CCDC57: variants seen among roughly 807,000 people sequenced by gnomAD.
CCDC57 encodes the protein coiled-coil domain containing 57, also known as coiled-coil domain-containing protein 57.
Under a neutral mutation model 118.9 loss-of-function variants are expected in CCDC57, and 118 were observed. That is an observed-to-expected ratio of 0.99 (90% CI 0.86 to 1.16). CCDC57 has a LOEUF of 1.16. Among genes scored for constraint, CCDC57 ranks in the 50% most tolerant of loss-of-function variants. CCDC57 has a pLI of 0.00. For synonymous variants in CCDC57, 527 were observed against 532.9 expected (o/e 0.99, Z 0.15); for missense variants, 1,300 against 1,320.7 (o/e 0.98, Z 0.24).
intron 16 of CCDC57, among the ~76,000 whole-genome samples, chr17:82,150,960 C>T (rs1169295453): frequency 1.1e-5 from 1 of 87,716 alleles, no homozygotes; most frequent in Non-Finnish European, 2.3e-5. Context: ...CACCCAGAAC[C>T]TGACCTGCAC....
chr17:82,140,629 G>GT (rs1291071469), intron 16 of CCDC57, among the ~76,000 whole-genome samples: 1 of 152,188 alleles, frequency 6.6e-6, no homozygotes, highest in African/African-American at 2.4e-5. Context: ...GAGAATCTTT[G>GT]TTTTTTACCA....
At chr17:82,140,095 G>T (rs533515676) in intron 16 of CCDC57, among the ~76,000 whole-genome samples, 32 of 151,602 alleles carry the variant, frequency 2.1e-4, no homozygotes, top group African/African-American at 7.7e-4. Flanking sequence ...TTTTTTGTTT[G>T]TTTTTTTTGA....
At chr17:82,175,367 TCA>T (rs1468659760) in intron 11 of CCDC57, among the ~76,000 whole-genome samples, 1 of 152,164 alleles carries the variant, frequency 6.6e-6, no homozygotes, top group Admixed American at 6.5e-5. Context: ...CAAGCAAGGC[TCA>T]GAGGGCTCGG....
intron 9 of CCDC57, among the ~76,000 whole-genome samples, chr17:82,181,920 C>T (rs929936673): frequency 1.3e-4 from 20 of 152,068 alleles, no homozygotes; most frequent in African/African-American, 4.8e-4. Context: ...GAGTTCAAGA[C>T]CAGCCTGGCC....
At chr17:82,115,540 A>G (rs2035774359) in intron 19 of CCDC57, among the ~76,000 whole-genome samples, 2 of 151,970 alleles carry the variant, frequency 1.3e-5, no homozygotes, top group East Asian at 1.9e-4. Context: ...GGAGGCTGAC[A>G]TGGGAGCATT....
chr17:82,158,432 A>G (rs1016687254), intron 14 of CCDC57, among the ~76,000 whole-genome samples: 15 of 152,192 alleles, frequency 9.9e-5, no homozygotes, highest in Non-Finnish European at 1.9e-4. Flanking sequence ...TCACGCCTAT[A>G]ATCCCAGTGC....
intron 17 of CCDC57, among the ~76,000 whole-genome samples, chr17:82,129,696 T>C (rs533924508): frequency 1.3e-5 from 2 of 152,280 alleles, no homozygotes; most frequent in Admixed American, 6.5e-5. Flanking sequence ...GTCTTTTTCT[T>C]ATTGATCTGT....
chr17:82,205,560 C>A (rs938143261), intron 2 of CCDC57, among the ~76,000 whole-genome samples: 1 of 152,204 alleles, frequency 6.6e-6, no homozygotes, highest in African/African-American at 2.4e-5. Flanking sequence ...TTCCTGTGCA[C>A]GTGCTACTCC....
intron 13 of CCDC57, among the ~76,000 whole-genome samples, chr17:82,164,807 G>T (rs892841418): frequency 2.6e-5 from 4 of 152,068 alleles, no homozygotes; most frequent in African/African-American, 4.8e-5. Flanking sequence ...AAAACTCCAG[G>T]CCCAGCTGGT....
At chr17:82,209,735 C>G (rs917044873) in intron 1 of CCDC57, among the ~76,000 whole-genome samples, 3 of 152,162 alleles carry the variant, frequency 2.0e-5, no homozygotes, top group Non-Finnish European at 2.9e-5. Flanking sequence ...GATTTTCCCC[C>G]CTCAGCTTCC....
intron 16 of CCDC57, among the ~76,000 whole-genome samples, chr17:82,136,065 C>T (rs540465806): frequency 6.0e-4 from 92 of 152,244 alleles, no homozygotes; most frequent in African/African-American, 2.1e-3. Context: ...GGTTTGGTGG[C>T]TCCTTACCAG....
chr17:82,170,910 C>A (rs1403042913), intron 13 of CCDC57, among the ~76,000 whole-genome samples: 1 of 152,232 alleles, frequency 6.6e-6, no homozygotes. Flanking sequence ...CATGCAGCAC[C>A]ACGGCTACCT....
At chr17:82,190,460 C>G (rs1165666520) in intron 7 of CCDC57, among the ~76,000 whole-genome samples, 1 of 152,114 alleles carries the variant, frequency 6.6e-6, no homozygotes, top group African/African-American at 2.4e-5. Flanking sequence ...CTTTGGGAGG[C>G]CGAGGTGCGC....
At position 82,172,700 on chromosome 17, in the gene CCDC57, G is replaced by A. The variant is rs376484391; in HGVS notation, c.1667C>T (p.Ala556Val). The change falls in exon 12 of 20, where the codon GCG becomes GTG. Residue 556 changes from alanine (A) to valine (V), a missense_variant. By Grantham distance (64) the Ala-to-Val change is moderately conservative (BLOSUM62 0). Transcript: ENST00000665763. The surrounding 1 kb of genome is among the most constrained non-coding windows in gnomAD (Gnocchi z 5.2). ...CTGGTTTGCATCTGTGCTCTCTGCC[G>A]CTGTCTGGATGGGAGGAGGAATCTG... 25 of 1,569,978 alleles carry A rather than the reference G, an allele frequency of 1.6e-5. No homozygotes were observed. The highest frequency in any genetic ancestry group is 1.9e-4 in the Middle Eastern group (1 of 5,188).
At chr17:82,166,540 C>T (rs1319847289) in intron 13 of CCDC57, among the ~76,000 whole-genome samples, 1 of 151,514 alleles carries the variant, frequency 6.6e-6, no homozygotes, top group Non-Finnish European at 1.5e-5. Flanking sequence ...AATACACAAA[C>T]AAAAAACTCC....
At chr17:82,168,670 G>A (rs1056586493) in intron 13 of CCDC57, among the ~76,000 whole-genome samples, 1 of 152,012 alleles carries the variant, frequency 6.6e-6, no homozygotes, top group Non-Finnish European at 1.5e-5. Context: ...GTTATACCAC[G>A]CGAATGCTAA....
intron 16 of CCDC57, among the ~76,000 whole-genome samples, chr17:82,134,738 G>A (rs564926273): frequency 1.2e-3 from 178 of 152,120 alleles, no homozygotes; most frequent in Non-Finnish European, 2.3e-3. Context: ...AGGTTGCAGC[G>A]AGCCGAGATC....
At chr17:82,101,859 T>C (rs2034472102) in exon 20 of CCDC57, 4 of 1,572,474 alleles carry the variant, frequency 2.5e-6, no homozygotes, top group Admixed American at 2.0e-5. Context: ...CTGGAGGAGC[T>C]GGGAGCTCTG....
intron 11 of CCDC57, among the ~76,000 whole-genome samples, chr17:82,177,723 G>A (rs529167347): frequency 3.3e-5 from 5 of 152,308 alleles, no homozygotes; most frequent in Middle Eastern, 3.4e-3. Context: ...TTAGTGCGGG[G>A]AGGTGGGACC....
Sources: allele counts gnomAD v4.1 joint callset (sites outside exome capture counted in the v4.1 genomes callset), GRCh38; gene constraint gnomAD v4.1.1; non-coding constraint Gnocchi (gnomAD v3.1); transcripts MANE v1.5; gene names NCBI Gene and HGNC (gene_info 2026-07-23, HGNC 2026-07-21).